Variants in MCTP1 observed in about 807,000 individuals in gnomAD.
MCTP1 encodes multiple C2 and transmembrane domain-containing protein 1.
A neutral mutation model predicts 120.6 loss-of-function variants in MCTP1; 69 were observed. That is an observed-to-expected ratio of 0.57 (90% CI 0.47 to 0.70). The LOEUF (loss-of-function observed/expected upper bound fraction) is 0.70, where lower values mean the gene tolerates loss of function less well. Ranked by LOEUF, MCTP1 falls within the 30% of genes least tolerant of loss-of-function variation. MCTP1 has a pLI of 0.00. For synonymous variants in MCTP1, 529 were observed against 493.1 expected, an observed-to-expected ratio of 1.07 and a Z score of -0.96; for missense variants, 1,203 against 1,248.8, an observed-to-expected ratio of 0.96 and a Z score of 0.55.
intron 1 of MCTP1, among the ~76,000 whole-genome samples, chr5:95,189,065 A>G (rs1330168153): frequency 1.3e-5 from 2 of 152,226 alleles, no homozygotes; most frequent in African/African-American, 4.8e-5. Context: ...TTTTCATAAC[A>G]GTCCTAGACC....
intron 2 of MCTP1, among the ~76,000 whole-genome samples, chr5:94,962,044 G>A (rs1019438182): frequency 6.6e-6 from 1 of 151,974 alleles, no homozygotes; most frequent in Non-Finnish European, 1.5e-5. Context: ...ATGAAAAAAT[G>A]GTCAACGTCA....
intron 1 of MCTP1, among the ~76,000 whole-genome samples, chr5:95,098,853 A>G (rs1394504944): frequency 6.6e-6 from 1 of 152,036 alleles, no homozygotes; most frequent in Non-Finnish European, 1.5e-5. Flanking sequence ...GAGGCATCAC[A>G]CTACCTGACT....
At chr5:95,070,474 T>A (rs1348579610) in intron 1 of MCTP1, among the ~76,000 whole-genome samples, 1 of 152,236 alleles carries the variant, frequency 6.6e-6, no homozygotes, top group Non-Finnish European at 1.5e-5. Flanking sequence ...CCACTCTGAT[T>A]CCTTCATAAT....
rs539017854 is a variant in MCTP1, at chr5:94,965,266, G to C, written c.839-11905C>G. Among the ~76,000 whole-genome samples, 4 of 152,246 alleles carry C rather than the reference G, an allele frequency of 2.6e-5. No homozygotes were observed. In the South Asian group the frequency reaches 8.3e-4, roughly 32 times the overall value. On this transcript the variant is annotated intron_variant, in intron 2 of 22. Coordinates refer to ENST00000515393, the MANE Select transcript of MCTP1 (RefSeq NM_024717.7). ...TTTCTCTTTCTGCTGGAACCAGCTG[G>C]TGCTAGAGTGGGCCTGGAGCCTAGG...
At chr5:95,091,499 C>T (rs916663091) in intron 1 of MCTP1, among the ~76,000 whole-genome samples, 2 of 152,070 alleles carry the variant, frequency 1.3e-5, no homozygotes, top group African/African-American at 4.8e-5. Context: ...GAGGCTAGAA[C>T]ATAAAAGGTT....
At chr5:94,962,099 C>A (rs1184467911) in intron 2 of MCTP1, among the ~76,000 whole-genome samples, 17 of 151,842 alleles carry the variant, frequency 1.1e-4, no homozygotes, top group Admixed American at 1.1e-3. Flanking sequence ...TGCAATGCCA[C>A]CTTACTCCTG....
At chr5:95,060,694 G>A (rs79364303) in intron 1 of MCTP1, among the ~76,000 whole-genome samples, 14 of 151,994 alleles carry the variant, frequency 9.2e-5, no homozygotes, top group Admixed American at 1.3e-4. Flanking sequence ...GAATCTGGCC[G>A]GGCACGGTGG....
intron 1 of MCTP1, among the ~76,000 whole-genome samples, chr5:95,064,186 A>G (rs1471552153): frequency 6.6e-6 from 1 of 152,256 alleles, no homozygotes; most frequent in East Asian, 1.9e-4. Flanking sequence ...ACGAATTGAT[A>G]ATCAAGCACA....
intron 17 of MCTP1, among the ~76,000 whole-genome samples, chr5:94,827,824 T>C (rs1408533836): frequency 6.6e-6 from 1 of 151,982 alleles, no homozygotes; most frequent in African/African-American, 2.4e-5. Context: ...TCAGGTCATT[T>C]ATGTTCTTCT....
rs142584921 is a variant in MCTP1, at chr5:94,756,102, C to T, written c.2610+23008G>A. Among the ~76,000 whole-genome samples, 851 of 152,176 alleles carry T rather than the reference C, an allele frequency of 5.6e-3. 11 individuals carry two copies. The highest frequency in any genetic ancestry group is 0.019 in the African/African-American group (803 of 41,502). ...TACTCCTATTAGACCTAGGAAATTC[C>T]GACAACAGCCAGACCTTGTTCTAAG... On this transcript the variant is annotated intron_variant, in intron 19 of 22. Transcript: ENST00000515393.
At chr5:95,013,577 C>G (rs1288950987) in intron 2 of MCTP1, among the ~76,000 whole-genome samples, 2 of 152,130 alleles carry the variant, frequency 1.3e-5, no homozygotes, top group Admixed American at 1.3e-4. Flanking sequence ...TAAATCTACT[C>G]TGCCTGTGCC....
rs751173506 is a variant in MCTP1 at position 94,780,256 on chromosome 5, CTTTCCTGTTTTTGTTTTT to C, written c.2557-1111_2557-1094del. Among the ~76,000 whole-genome samples the C allele has an allele frequency of 1.8e-4, 10 of 54,966 alleles. No homozygotes were observed. In the East Asian group the frequency reaches 5.5e-3, roughly 30 times the overall value. The allele number at this position is 54,966 out of a possible 152,430, so 36.1% of individuals were successfully genotyped here. A position where few individuals can be genotyped will look rare whatever the true frequency, so the allele number is the denominator to read the frequency against. ...TAGAGGACAGAGACACCTAGCCCTC[CTTTCCTGTTTTTGTTTTT>C]TTTTTGATACAAACAGGAATATTCT... On this transcript the variant is annotated intron_variant, in intron 18 of 22. Coordinates refer to ENST00000515393, the MANE Select transcript of MCTP1 (RefSeq NM_024717.7).
intron 19 of MCTP1, among the ~76,000 whole-genome samples, chr5:94,731,874 G>A (rs940270292): frequency 1.7e-4 from 26 of 151,966 alleles, no homozygotes; most frequent in African/African-American, 6.0e-4. Context: ...TTACATTCTT[G>A]TTTTTCTATT....
rs1370007373 is a variant in MCTP1, at chr5:94,706,885, C to A, written c.*611G>T. The A allele has an allele frequency of 6.6e-6, 1 of 151,762 alleles. No individual in the cohort carries two copies. Among genetic ancestry groups the A allele is most frequent in the East Asian group, 1.9e-4 (1 of 5,150 alleles). 9.4% of individuals were successfully genotyped at this position (151,762 alleles called of 1,614,324 possible). ...CTTTGTAACCTTCTGAGTATTGATTCTCTTGAGGGAGTGAATGTACCTTCA... is the reference window on the plus strand; with the variant it reads ...CTTTGTAACCTTCTGAGTATTGATTATCTTGAGGGAGTGAATGTACCTTCA... On this transcript the variant is annotated 3_prime_UTR_variant, in exon 23 of 23. Transcript: ENST00000515393.
At chr5:94,717,648 GC>G (rs1257064039) in intron 19 of MCTP1, among the ~76,000 whole-genome samples, 2 of 152,036 alleles carry the variant, frequency 1.3e-5, no homozygotes, top group African/African-American at 4.8e-5. Flanking sequence ...TAAAGCTTAA[GC>G]TGATAAGCAA....
intron 7 of MCTP1, among the ~76,000 whole-genome samples, 156 bp from the exon 8 acceptor site, chr5:94,918,129 C>A (rs1185436981): frequency 6.6e-6 from 1 of 152,174 alleles, no homozygotes; most frequent in Non-Finnish European, 1.5e-5. Flanking sequence ...TCTTATAGCA[C>A]AATGAAGATA....
intron 17 of MCTP1, among the ~76,000 whole-genome samples, chr5:94,806,941 G>T (rs1782451079): frequency 1.3e-5 from 2 of 151,996 alleles, no homozygotes; most frequent in Admixed American, 6.6e-5. Context: ...ATTATTTCAC[G>T]GTCCTTTTAG....
chr5:95,224,358 G>A (rs966254575), intron 1 of MCTP1, among the ~76,000 whole-genome samples: 11 of 152,066 alleles, frequency 7.2e-5, no homozygotes, highest in African/African-American at 2.7e-4. Context: ...AATATCTAAG[G>A]GGATATTTAC....
intron 1 of MCTP1, among the ~76,000 whole-genome samples, chr5:95,117,264 G>A (rs530867344): frequency 2.0e-5 from 3 of 151,960 alleles, no homozygotes; most frequent in South Asian, 2.1e-4. Context: ...GGTGGCAGGC[G>A]CCTGTAGTCC....
Sources: allele counts gnomAD v4.1 joint callset (sites outside exome capture counted in the v4.1 genomes callset), GRCh38; gene constraint gnomAD v4.1.1; transcripts MANE v1.5; gene names NCBI Gene and HGNC (gene_info 2026-07-23, HGNC 2026-07-21).